The following SNTG1 variants were observed in gnomAD, a reference collection of about 807,000 sequenced individuals.
The protein encoded by SNTG1 is gamma-1-syntrophin.
Under a neutral mutation model 74.7 loss-of-function variants are expected in SNTG1, and 39 were observed. The observed-to-expected ratio is 0.52, with a 90% CI of 0.40 to 0.68. The LOEUF is 0.68. Ranked by LOEUF, SNTG1 falls within the 30% of genes least tolerant of loss-of-function variation. The probability of loss-of-function intolerance (pLI) is 0.00; values close to 1 mark genes in which losing one functional copy is unlikely to be tolerated. For synonymous variants in SNTG1, 254 were observed against 217.1 expected (o/e 1.17, Z -1.49); for missense variants, 685 against 609.5 (o/e 1.12, Z -1.30).
At chr8:50,141,568 A>G (rs1466538979) in intron 1 of SNTG1, among the ~76,000 whole-genome samples, 2 of 152,182 alleles carry the variant, frequency 1.3e-5, no homozygotes, top group Non-Finnish European at 2.9e-5. Context: ...CTTCCATATA[A>G]TTATTTATCC....
intron 2 of SNTG1, among the ~76,000 whole-genome samples, chr8:50,339,565 A>G (rs2091257834): frequency 6.6e-6 from 1 of 151,998 alleles, no homozygotes; most frequent in South Asian, 2.1e-4. Context: ...GAAGTGTTTT[A>G]GTATAGTAGT....
Position 50,207,675 on chromosome 8 carries a change from T to A in SNTG1, c.-28+35040T>A, listed in dbSNP as rs1209283053. 2.0e-5 allele frequency among the ~76,000 whole-genome samples: 3 copies of A among 152,224 alleles called. No individual in the cohort carries two copies. In the East Asian group the frequency reaches 5.8e-4, roughly 29 times the overall value. On this transcript the variant is annotated intron_variant, in intron 2 of 18. Coordinates refer to ENST00000642720, the MANE Select transcript of SNTG1 (RefSeq NM_018967.5). ...GTGATATTATGGTGTCAATTTTACA[T>A]CTTTCCTGCTTTCTCTTGTGGGCAT... is the stretch of plus-strand genomic sequence containing the variant.
At chr8:50,527,481 C>T (rs2094230578) in intron 9 of SNTG1, among the ~76,000 whole-genome samples, 1 of 152,064 alleles carries the variant, frequency 6.6e-6, no homozygotes, top group Non-Finnish European at 1.5e-5. Flanking sequence ...TTTTGTGCAT[C>T]TTACATAAGA....
intron 1 of SNTG1, among the ~76,000 whole-genome samples, chr8:50,059,429 A>G (rs569562073): frequency 6.6e-6 from 1 of 152,172 alleles, no homozygotes; most frequent in Non-Finnish European, 1.5e-5. Context: ...ACACCCATCA[A>G]CATAATCAAT....
chr8:50,528,359 A>G (rs1350124152), intron 9 of SNTG1, among the ~76,000 whole-genome samples: 1 of 151,982 alleles, frequency 6.6e-6, no homozygotes, highest in Non-Finnish European at 1.5e-5. Flanking sequence ...TAAAAAACAA[A>G]AATTGATGGT....
chr8:50,324,458 T>C (rs1009675890), intron 2 of SNTG1, among the ~76,000 whole-genome samples: 6 of 152,202 alleles, frequency 3.9e-5, no homozygotes, highest in African/African-American at 1.4e-4. Flanking sequence ...TTTTCGGTTC[T>C]TGTAATGGTG....
At chr8:50,081,186 A>T (rs950621881) in intron 1 of SNTG1, among the ~76,000 whole-genome samples, 4 of 152,144 alleles carry the variant, frequency 2.6e-5, no homozygotes, top group African/African-American at 9.7e-5. Flanking sequence ...TTTTTCCAAA[A>T]ATATTTATAT....
chr8:50,096,960 C>CT (rs1489750300), intron 1 of SNTG1, among the ~76,000 whole-genome samples: 32 of 151,942 alleles, frequency 2.1e-4, no homozygotes, highest in African/African-American at 7.5e-4. Flanking sequence ...CTTACTAAAA[C>CT]TTTTTATTAT....
At chr8:50,670,134 G>A (rs897281677) in intron 15 of SNTG1, among the ~76,000 whole-genome samples, 9 of 152,194 alleles carry the variant, frequency 5.9e-5, no homozygotes, top group Non-Finnish European at 8.8e-5. Context: ...ACTGGCACAA[G>A]ACAGGGATGC....
Position 50,795,283 on chromosome 8 carries a change from A to G in SNTG1, c.*2454A>G, listed in dbSNP as rs1314746456. ...TACAACAGCCAAAAAGTAACAAAAT[A>G]CTATTCTCGTTTTCATCAGTTTAAC... On this transcript the variant is annotated 3_prime_UTR_variant, in exon 19 of 19. Coordinates refer to ENST00000642720, the MANE Select transcript of SNTG1 (RefSeq NM_018967.5). 1 of 152,070 alleles carries G rather than the reference A, an allele frequency of 6.6e-6. No homozygotes were observed. The highest frequency in any genetic ancestry group is 1.5e-5 in the Non-Finnish European group (1 of 67,970). 9.4% of individuals were successfully genotyped at this position (152,070 alleles called of 1,614,324 possible). A position where few individuals can be genotyped will look rare whatever the true frequency, so the allele number is the denominator to read the frequency against.
intron 15 of SNTG1, among the ~76,000 whole-genome samples, chr8:50,685,626 A>C (rs964827554): frequency 6.6e-6 from 1 of 152,226 alleles, no homozygotes; most frequent in African/African-American, 2.4e-5. Flanking sequence ...TCATAATATA[A>C]ATCATATTCT....
intron 13 of SNTG1, among the ~76,000 whole-genome samples, chr8:50,593,429 AT>A (rs1371047877): frequency 7.2e-5 from 11 of 152,268 alleles, no homozygotes; most frequent in African/African-American, 2.2e-4. Flanking sequence ...TATCCAAAAT[AT>A]TTTTAATCAT....
chr8:50,151,011 G>A (rs1168191222), intron 1 of SNTG1, among the ~76,000 whole-genome samples: 1 of 152,130 alleles, frequency 6.6e-6, no homozygotes, highest in Non-Finnish European at 1.5e-5. Context: ...GTTATCTCTG[G>A]TAGAATTCGG....
At chr8:50,737,820 C>A (rs2095532739) in intron 17 of SNTG1, among the ~76,000 whole-genome samples, 1 of 152,134 alleles carries the variant, frequency 6.6e-6, no homozygotes. Flanking sequence ...ACATGATTAT[C>A]TCAGTAGATG....
At chr8:50,216,686 A>C (rs1277062438) in intron 2 of SNTG1, among the ~76,000 whole-genome samples, 1 of 152,162 alleles carries the variant, frequency 6.6e-6, no homozygotes, top group African/African-American at 2.4e-5. Context: ...AAGAAAAATA[A>C]CCATGGATCG....
intron 1 of SNTG1, among the ~76,000 whole-genome samples, chr8:50,039,530 C>CA (rs113120873): frequency 6.7e-6 from 1 of 149,788 alleles, no homozygotes; most frequent in African/African-American, 2.5e-5. Flanking sequence ...TGGGTATCAG[C>CA]ACAGGCGAGG....
At chr8:50,187,587 A>G (rs901787857) in intron 2 of SNTG1, among the ~76,000 whole-genome samples, 3 of 152,172 alleles carry the variant, frequency 2.0e-5, no homozygotes, top group Non-Finnish European at 4.4e-5. Context: ...AAAATAAGCA[A>G]TATCAAACTG....
At chr8:50,029,197 AATT>A (rs1256807012) in intron 1 of SNTG1, among the ~76,000 whole-genome samples, 5 of 151,992 alleles carry the variant, frequency 3.3e-5, no homozygotes, top group African/African-American at 1.2e-4. Context: ...TTATATTTTT[AATT>A]ATTATAGGCT....
chr8:50,767,509 A>G (rs2095616714), intron 18 of SNTG1, among the ~76,000 whole-genome samples: 1 of 151,980 alleles, frequency 6.6e-6, no homozygotes, highest in Admixed American at 6.6e-5. Flanking sequence ...AGCTTAATAA[A>G]TTTCCCATCT....
Sources: allele counts gnomAD v4.1 joint callset (sites outside exome capture counted in the v4.1 genomes callset), GRCh38; gene constraint gnomAD v4.1.1; transcripts MANE v1.5; gene names NCBI Gene and HGNC (gene_info 2026-07-23, HGNC 2026-07-21).